Variants in GABRG3 observed in about 807,000 individuals in gnomAD.
GABRG3 encodes gamma-aminobutyric acid type A receptor subunit gamma3.
A neutral mutation model predicts 48.8 loss-of-function variants in GABRG3; 25 were observed. The ratio of observed to expected loss-of-function variants is 0.51; its 90% CI spans 0.37 to 0.72. GABRG3 has a LOEUF of 0.72. GABRG3 is among the 30% of genes least tolerant of loss of function. The pLI is 0.00. For synonymous variants in GABRG3, 227 were observed against 217.6 expected (o/e 1.04, Z -0.38); for missense variants, 394 against 577.9 (o/e 0.68, Z 3.26).
intron 3 of GABRG3, among the ~76,000 whole-genome samples, chr15:27,307,963 T>G (rs1892732465): frequency 7.4e-6 from 1 of 135,280 alleles, no homozygotes; most frequent in Non-Finnish European, 1.5e-5. Context: ...AATAAACATG[T>G]TTATATATAA....
intron 3 of GABRG3, among the ~76,000 whole-genome samples, chr15:27,277,264 A>G (rs182849756): frequency 1.1e-4 from 17 of 152,362 alleles, no homozygotes; most frequent in Admixed American, 2.0e-4. Flanking sequence ...TGAACATTAC[A>G]GAAGAGGATT....
rs1485392462 is a variant in GABRG3 at position 27,539,988 on chromosome 15, T to C, written c.*7107T>C. On this transcript the variant is annotated 3_prime_UTR_variant, in exon 10 of 10. Coordinates refer to ENST00000615808, the MANE Select transcript of GABRG3 (RefSeq NM_033223.5). ...ACCATCATCACCCTCATTGTCCTCT[T>C]CCATGTTTCTACTAGTACTCAGCTA... The C allele has an allele frequency of 6.6e-6, 1 of 152,196 alleles. No individual in the cohort carries two copies. Among genetic ancestry groups the C allele is most frequent in the Non-Finnish European group, 1.5e-5 (1 of 68,014 alleles). 9.4% of individuals were successfully genotyped at this position (152,196 alleles called of 1,614,324 possible).
intron 5 of GABRG3, among the ~76,000 whole-genome samples, chr15:27,359,873 G>A (rs1894964663): frequency 6.6e-6 from 1 of 152,186 alleles, no homozygotes; most frequent in Non-Finnish European, 1.5e-5. Flanking sequence ...CAAGTTCTCT[G>A]ATTTAGTTCT....
chr15:27,306,257 T>C (rs915216063), intron 3 of GABRG3, among the ~76,000 whole-genome samples: 5 of 139,382 alleles, frequency 3.6e-5, no homozygotes, highest in Non-Finnish European at 6.1e-5. Flanking sequence ...TATAAACATG[T>C]CTATATGTAA....
intron 6 of GABRG3, among the ~76,000 whole-genome samples, chr15:27,483,636 A>T (rs1890150193): frequency 6.6e-6 from 1 of 152,186 alleles, no homozygotes; most frequent in South Asian, 2.1e-4. Context: ...ACTTCCTTGC[A>T]GGTGTCAGCG....
chr15:26,982,810 A>G (rs1188780957), intron 2 of GABRG3, among the ~76,000 whole-genome samples: 1 of 152,188 alleles, frequency 6.6e-6, no homozygotes, highest in African/African-American at 2.4e-5. Context: ...AACTAAACAT[A>G]AAGTTATGAG....
intron 2 of GABRG3, among the ~76,000 whole-genome samples, chr15:27,010,828 G>A (rs1196298286): frequency 6.6e-6 from 1 of 152,100 alleles, no homozygotes; most frequent in African/African-American, 2.4e-5. Flanking sequence ...AAATACTGAG[G>A]TTGTTTTTGT....
intron 5 of GABRG3, chr15:27,362,687 G>A (rs1050896867): frequency 2.6e-5 from 4 of 152,278 alleles, no homozygotes; most frequent in Non-Finnish European, 4.4e-5. Flanking sequence ...GGAACACTCT[G>A]CTCAGCATGC....
intron 3 of GABRG3, among the ~76,000 whole-genome samples, chr15:27,111,272 C>T (rs940784246): frequency 6.6e-6 from 1 of 152,086 alleles, no homozygotes; most frequent in African/African-American, 2.4e-5. Context: ...CATTTTGCTT[C>T]CTTTGCTCTT....
intron 3 of GABRG3, among the ~76,000 whole-genome samples, chr15:27,098,449 C>CA (rs1305836575): frequency 6.6e-6 from 1 of 152,080 alleles, no homozygotes; most frequent in African/African-American, 2.4e-5. Flanking sequence ...CCAACAACAA[C>CA]AAAAATACAC....
Position 27,505,050 on chromosome 15 carries a change from G to A in GABRG3, c.713-14922G>A, listed in dbSNP as rs377404644. Among the ~76,000 whole-genome samples, 31 of 152,148 alleles carry A rather than the reference G, an allele frequency of 2.0e-4. No homozygotes were observed. The East Asian group carries it at 3.5e-3, about 17-fold the overall frequency. ...AGACTTGACCAGTTTTTCCACTAAC[G>A]TATTTTTTCTGTTCTAGGATCCAAT... On this transcript the variant is annotated intron_variant, in intron 6 of 9. Coordinates refer to ENST00000615808, the MANE Select transcript of GABRG3 (RefSeq NM_033223.5).
At chr15:27,399,769 G>T (rs1887423168) in intron 5 of GABRG3, among the ~76,000 whole-genome samples, 1 of 152,140 alleles carries the variant, frequency 6.6e-6, no homozygotes, top group African/African-American at 2.4e-5. Flanking sequence ...CCTATCTCAA[G>T]ACTATTAAAA....
chr15:27,045,810 C>A (rs187848548), intron 3 of GABRG3, among the ~76,000 whole-genome samples: 35 of 152,334 alleles, frequency 2.3e-4, no homozygotes, highest in Non-Finnish European at 4.4e-4. Context: ...GTGCCCAGGT[C>A]TTTCCTCCGG....
chr15:27,226,622 G>A (rs913715877), intron 3 of GABRG3, among the ~76,000 whole-genome samples: 3 of 151,722 alleles, frequency 2.0e-5, no homozygotes, highest in East Asian at 3.9e-4. Context: ...AGGAGCCACC[G>A]GTGCTTCCCC....
At chr15:27,381,026 A>G (rs1895758204) in intron 5 of GABRG3, among the ~76,000 whole-genome samples, 1 of 151,952 alleles carries the variant, frequency 6.6e-6, no homozygotes, top group East Asian at 1.9e-4. Flanking sequence ...CGGCCTCCCA[A>G]AGTGCTAGGA....
chr15:27,453,018 A>G (rs1012031204), intron 5 of GABRG3, among the ~76,000 whole-genome samples: 1 of 152,244 alleles, frequency 6.6e-6, no homozygotes, highest in African/African-American at 2.4e-5. Flanking sequence ...GAAGGACATT[A>G]TGCTAAGTAA....
intron 3 of GABRG3, among the ~76,000 whole-genome samples, chr15:27,244,855 T>C (rs184140243): frequency 1.7e-3 from 257 of 152,346 alleles, no homozygotes; most frequent in African/African-American, 5.9e-3. Flanking sequence ...AGGAGGGTTA[T>C]TTTTCTTTTT....
At position 27,540,873 on chromosome 15, in the gene GABRG3, CTTA is replaced by C. The variant is rs1469646907; in HGVS notation, c.*7996_*7998del. 6.6e-6 allele frequency: 1 copy of C among 152,172 alleles called. No individual in the cohort carries two copies. The highest frequency in any genetic ancestry group is 1.5e-5 in the Non-Finnish European group (1 of 68,034). The allele number at this position is 152,172 out of a possible 1,614,324, so 9.4% of individuals were successfully genotyped here. On this transcript the variant is annotated 3_prime_UTR_variant, in exon 10 of 10. Coordinates refer to ENST00000615808, the MANE Select transcript of GABRG3 (RefSeq NM_033223.5). ...ACGTACAGTGGTAAAACTGAAACAA[CTTA>C]TTAATAATGTGTGTCACTCTACCCA...
intron 5 of GABRG3, among the ~76,000 whole-genome samples, chr15:27,434,481 A>G (rs1460149703): frequency 6.6e-6 from 1 of 152,140 alleles, no homozygotes; most frequent in African/African-American, 2.4e-5. Flanking sequence ...GATTTGAAAC[A>G]TTTCATATTT....
Sources: gnomAD v4.1 joint callset for allele counts (sites outside exome capture counted in the v4.1 genomes callset) on GRCh38, gnomAD v4.1.1 for gene constraint, MANE v1.5 for transcripts, NCBI Gene and HGNC (gene_info 2026-07-23, HGNC 2026-07-21) for gene names.